Variants in KMT2C observed in about 807,000 individuals in gnomAD.
KMT2C encodes the protein lysine methyltransferase 2C, also known as histone-lysine N-methyltransferase 2C.
In KMT2C, 88 loss-of-function variants were observed where a neutral mutation model predicts 507.9. The observed-to-expected ratio is 0.17, with a 90% CI of 0.15 to 0.21. The LOEUF (loss-of-function observed/expected upper bound fraction) is 0.21, where lower values mean the gene tolerates loss of function less well. KMT2C is among the 10% of genes least tolerant of loss of function. The pLI is 1.00. For synonymous variants in KMT2C, 2,049 were observed against 2,080.8 expected (o/e 0.98, Z 0.42); for missense variants, 4,954 against 5,957.8 (o/e 0.83, Z 5.55).
At chr7:152,331,983 G>GA (rs1377989063) in intron 2 of KMT2C, among the ~76,000 whole-genome samples, 1 of 152,022 alleles carries the variant, frequency 6.6e-6, no homozygotes, top group Non-Finnish European at 1.5e-5. Flanking sequence ...ATAGCAATTG[G>GA]TCTACAGAAC....
At chr7:152,143,814 C>T (rs1024555335) in intron 55 of KMT2C, among the ~76,000 whole-genome samples, 4 of 152,104 alleles carry the variant, frequency 2.6e-5, no homozygotes, top group Admixed American at 2.6e-4. Context: ...AACAAAGGAA[C>T]AAGAATCTGA....
intron 1 of KMT2C, among the ~76,000 whole-genome samples, chr7:152,369,400 C>T (rs989074340): frequency 6.6e-6 from 1 of 150,548 alleles, no homozygotes; most frequent in Non-Finnish European, 1.5e-5. Context: ...TTTTTAAAAA[C>T]TCAAATCAAA....
chr7:152,359,624 A>T (rs948086151), intron 1 of KMT2C, among the ~76,000 whole-genome samples: 2 of 152,024 alleles, frequency 1.3e-5, no homozygotes, highest in African/African-American at 4.8e-5. Flanking sequence ...AAAATTCAAA[A>T]ATTAGGCAAA....
At position 152,135,178 on chromosome 7, in the gene KMT2C, A is replaced by G. The variant is rs2089778998; in HGVS notation, c.*1654T>C. 4.5e-6 allele frequency: 1 copy of G among 223,166 alleles called. No individual in the cohort carries two copies. Among genetic ancestry groups the G allele is most frequent in the Non-Finnish European group, 9.0e-6 (1 of 111,588 alleles). The allele number at this position is 223,166 out of a possible 1,614,324, so 13.8% of individuals were successfully genotyped here. On this transcript the variant is annotated 3_prime_UTR_variant, in exon 59 of 59. Transcript: ENST00000262189. ...ATTTATCAAGAGAAAAATATATACA[A>G]TTGATTTATTCTGTAAGATAAAAAT...
In KMT2C at chr7:152,177,824, T is replaced by G. The variant is rs2093270197; in HGVS notation, c.7629A>C (p.Pro2543=). 6.2e-7 allele frequency: 1 copy of G among 1,613,598 alleles called. No homozygotes were observed. The highest frequency in any genetic ancestry group is 1.7e-5 in the Admixed American group (1 of 59,966). Residue 2543 remains proline, a synonymous_variant, in exon 38 of 59, where the codon CCA becomes CCC. Coordinates refer to ENST00000262189, the MANE Select transcript of KMT2C (RefSeq NM_170606.3). ...TGTGCTGCTGAACTGGCAAGCTCTG[T>G]GGTGAAAAATGCTGAGGAAGTCCAA... The part of the protein sequence containing the change: ...NPVGLPQHFS[P]QSLPVQQHNI...
chr7:152,143,140 G>T (rs2090757322), intron 55 of KMT2C, among the ~76,000 whole-genome samples: 1 of 152,224 alleles, frequency 6.6e-6, no homozygotes, highest in Non-Finnish European at 1.5e-5. Context: ...TGACTTAGCA[G>T]GGGAAAGCTA....
At chr7:152,305,822 T>G (rs1013732174) in intron 6 of KMT2C, among the ~76,000 whole-genome samples, 2 of 152,162 alleles carry the variant, frequency 1.3e-5, no homozygotes, top group Non-Finnish European at 2.9e-5. Flanking sequence ...TAGGCTTACC[T>G]TGTATTTTCT....
intron 3 of KMT2C, among the ~76,000 whole-genome samples, chr7:152,317,255 AAAG>A (rs2096730239): frequency 6.6e-6 from 1 of 152,230 alleles, no homozygotes; most frequent in South Asian, 2.1e-4. Context: ...TTAAATTATT[AAAG>A]AATTAGAAAA....
At chr7:152,398,501 T>C (rs2097550602) in intron 1 of KMT2C, among the ~76,000 whole-genome samples, 1 of 152,116 alleles carries the variant, frequency 6.6e-6, no homozygotes, top group African/African-American at 2.4e-5. Flanking sequence ...ATACAGTAAT[T>C]GTCTCTGAAA....
At chr7:152,176,128 A>C in intron 38 of KMT2C, 63 bp downstream of exon 38, 1 of 1,373,028 alleles carries the variant, frequency 7.3e-7, no homozygotes, top group Non-Finnish European at 9.9e-7. Context: ...AAATCTTATA[A>C]GCATATCGCA....
chr7:152,291,740 A>C (rs1279904758), intron 6 of KMT2C, among the ~76,000 whole-genome samples: 2 of 152,368 alleles, frequency 1.3e-5, no homozygotes, highest in African/African-American at 4.8e-5. Flanking sequence ...GCCTAAGAAA[A>C]CCATGAAAAA....
chr7:152,180,039 C>T lies in KMT2C; in HGVS notation c.7237G>A (p.Ala2413Thr), dbSNP rs771406657. 12 of 1,614,112 alleles carry T rather than the reference C, an allele frequency of 7.4e-6. No homozygotes were observed. The highest frequency in any genetic ancestry group is 2.2e-5 in the East Asian group (1 of 44,876). Residue 2413 changes from alanine to threonine, a missense_variant, in exon 37 of 59, where the codon GCA (alanine) becomes ACA (threonine). This residue lies in a region of KMT2C where 1,689 missense variants were observed against 1,654.3 expected (regional missense o/e 1.02). Transcript: ENST00000262189. ...RQEKGSQDSP[A>T]VPHPGPLQHW... is the part of the protein sequence containing the mutation. ...TGAAGAGGCCCTGGATGAGGCACTGCGGGTGAGTCCTGTGACCCCTTCTCC... is the reference window on the plus strand; with the variant it reads ...TGAAGAGGCCCTGGATGAGGCACTGTGGGTGAGTCCTGTGACCCCTTCTCC...
rs1375650559 is a variant in KMT2C at position 152,202,844 on chromosome 7, A to C, written c.4092+90T>G. ...TGACAACAAAACAAGTAAAACATTA[A>C]CAAAAACAACAAACCTATGTTTTAA... is the stretch of plus-strand genomic sequence containing the variant. On this transcript the variant is annotated intron_variant, in intron 26 of 58. Coordinates refer to ENST00000262189, the MANE Select transcript of KMT2C (RefSeq NM_170606.3). 10 of 1,081,294 alleles carry C rather than the reference A, an allele frequency of 9.2e-6. No homozygotes were observed. The South Asian group carries it at 1.6e-4, about 18-fold the overall frequency. 67.0% of individuals were successfully genotyped at this position (1,081,294 alleles called of 1,614,324 possible).
At chr7:152,351,572 A>C (rs949777394) in intron 2 of KMT2C, among the ~76,000 whole-genome samples, 3 of 152,250 alleles carry the variant, frequency 2.0e-5, no homozygotes, top group African/African-American at 7.2e-5. Context: ...AACAATTGTA[A>C]TATGCATCCC....
Position 152,162,248 on chromosome 7 carries a change from G to A in KMT2C, c.11329C>T (p.Leu3777=), listed in dbSNP as rs2129103631. Residue 3777 remains leucine, a synonymous_variant, in exon 43 of 59, where the codon CTG becomes TTG. Coordinates refer to ENST00000262189, the MANE Select transcript of KMT2C (RefSeq NM_170606.3). ...AAKGDSGNEL[L]KHLLKNKKSS... ...TTTTTATTTTTCAACAAGTGTTTCA[G>A]AAGTTCATTCCCTGAGTCTCCTTTG... 6.2e-7 allele frequency: 1 copy of A among 1,614,134 alleles called. No individual in the cohort carries two copies. The highest frequency in any genetic ancestry group is 2.2e-5 in the East Asian group (1 of 44,884).
intron 18 of KMT2C, among the ~76,000 whole-genome samples, chr7:152,228,691 T>G (rs1461491982): frequency 6.6e-6 from 1 of 152,214 alleles, no homozygotes; most frequent in Non-Finnish European, 1.5e-5. Context: ...AAAGGGATCT[T>G]ATTCAATTTC....
chr7:152,285,400 T>TGTTC (rs1175193733), intron 6 of KMT2C, among the ~76,000 whole-genome samples: 1 of 152,302 alleles, frequency 6.6e-6, no homozygotes, highest in Non-Finnish European at 1.5e-5. Context: ...ATTACATGAC[T>TGTTC]GTTCATATTT....
At position 152,144,901 on chromosome 7, in the gene KMT2C, A is replaced by G. The variant is rs2129092940; in HGVS notation, c.14175-20T>C. 1 of 1,591,810 alleles carries G rather than the reference A, an allele frequency of 6.3e-7. No homozygotes were observed. The highest frequency in any genetic ancestry group is 8.6e-7 in the Non-Finnish European group (1 of 1,165,514). ...TGAGGCCTGCAGACAATGGCATATC[A>G]ACAGGAAAAAAATACAAGGAAAACT... On this transcript the variant is annotated intron_variant, in intron 54 of 58. Coordinates refer to ENST00000262189, the MANE Select transcript of KMT2C (RefSeq NM_170606.3). This position sits in a 1 kb window ranked among gnomAD's most constrained non-coding sequence, Gnocchi z 4.4.
At chr7:152,313,774 A>C (rs1450299655) in intron 4 of KMT2C, among the ~76,000 whole-genome samples, 1 of 152,066 alleles carries the variant, frequency 6.6e-6, no homozygotes, top group African/African-American at 2.4e-5. Flanking sequence ...TTACTTATTA[A>C]GTTGGTAAGC....
Sources: gnomAD v4.1 joint callset for allele counts (sites outside exome capture counted in the v4.1 genomes callset) on GRCh38, gnomAD v4.1.1 for gene constraint, gnomAD v4.1.1 regional missense constraint, Gnocchi (gnomAD v3.1) non-coding constraint, MANE v1.5 for transcripts, NCBI Gene and HGNC (gene_info 2026-07-23, HGNC 2026-07-21) for gene names.